Variants in TTN observed in about 807,000 individuals in gnomAD.
TTN encodes the protein titin.
TTN carries 1,525 observed loss-of-function variants against 3,223.0 expected under a neutral mutation model. The ratio of observed to expected loss-of-function variants is 0.47; its 90% CI spans 0.45 to 0.49. TTN has a LOEUF of 0.49. Among genes scored for constraint, TTN ranks in the 20% least tolerant of loss-of-function variants. The pLI, the probability that TTN is intolerant of heterozygous loss-of-function variation, is 0.00. For missense variants in TTN, 40,786 were observed against 43,424.0 expected (o/e 0.94, Z 5.40); for synonymous variants, 14,094 against 15,161.0 (o/e 0.93, Z 5.17).
In TTN at chr2:178,581,686, T is replaced by C. The variant is rs760003383; in HGVS notation, c.66582A>G (p.Glu22194=). Reference sequence around the variant, plus strand: ...AGTTATCGGAGTCAGCCCGTTTTACTTCAACGAGATAACCAATGATAGGGC... The same window carrying C: ...AGTTATCGGAGTCAGCCCGTTTTACCTCAACGAGATAACCAATGATAGGGC... The part of the protein sequence containing the change: ...GGSPIIGYLV[E]VKRADSDNWV... Residue 22194 remains glutamate, a synonymous_variant, in exon 316 of 363, where the codon GAA becomes GAG. Transcript: ENST00000589042. 9.9e-6 allele frequency: 16 copies of C among 1,612,382 alleles called. No individual in the cohort carries two copies. The African/African-American group carries it at 1.9e-4, about 19-fold the overall frequency.
At chr2:178,802,870 C>G (rs1391071950) in intron 2 of TTN, among the ~76,000 whole-genome samples, 1 of 152,192 alleles carries the variant, frequency 6.6e-6, no homozygotes, top group Non-Finnish European at 1.5e-5. Context: ...TCTGCTTTCA[C>G]AAGTGCAATC....
intron 2 of TTN, 28 bp from the exon 3 acceptor site, chr2:178,802,369 T>C (rs995787777): frequency 5.6e-6 from 9 of 1,602,188 alleles, no homozygotes; most frequent in African/African-American, 2.7e-5. Flanking sequence ...TTCACCTTTA[T>C]GTTTGAATGG....
At position 178,609,729 on chromosome 2, in the gene TTN, C is replaced by T. The variant is rs765280689; in HGVS notation, c.51694G>A (p.Glu17232Lys). Residue 17232 changes from glutamate (E) to lysine (K), a missense_variant, in exon 272 of 363, where the codon GAA (glutamate) becomes AAA (lysine). Physicochemically the swap from Glu to Lys is moderately conservative, Grantham distance 56 (BLOSUM62 1). Transcript: ENST00000589042. The stretch of plus-strand genomic sequence containing the variant: ...GTTGGAGGAGTAGCCCGAGAAGGTT[C>T]ACTAATACCCGCGGCGTTCTCTGCT... The part of the protein sequence containing the change: ...VRAENAAGIS[E>K]PSRATPPTKA... 6.2e-7 allele frequency: 1 copy of T among 1,610,054 alleles called. No homozygotes were observed. The highest frequency in any genetic ancestry group is 2.2e-5 in the East Asian group (1 of 44,720).
At position 178,603,955 on chromosome 2, in the gene TTN, G is replaced by C. The variant is rs1301615048; in HGVS notation, c.54732C>G (p.Phe18244Leu). Residue 18244 changes from phenylalanine (F) to leucine (L), a missense_variant, in exon 282 of 363, where the codon TTC (phenylalanine) becomes TTG (leucine). Phe to Leu is a conservative substitution (Grantham distance 22). Transcript: ENST00000589042. ...CTGCAGCATTTATTGCCATGGCTCTGAACTGGTATTTAACGCCTTCAAGCA... is the reference window on the plus strand; with the variant it reads ...CTGCAGCATTTATTGCCATGGCTCTCAACTGGTATTTAACGCCTTCAAGCA... ...PRLLEGVKYQ[F>L]RAMAINAAGI... 5 of 1,612,518 alleles carry C rather than the reference G, an allele frequency of 3.1e-6. No homozygotes were observed. The highest frequency in any genetic ancestry group is 4.2e-6 in the Non-Finnish European group (5 of 1,179,072).
chr2:178,598,719 T>TA lies in TTN; in HGVS notation c.56962+28dup, dbSNP rs3214578. On this transcript the variant is annotated intron_variant, in intron 291 of 362. Transcript: ENST00000589042. ...CAAGGCACTTTTGGAAAATAAGATT[T>TA]AAAAAAAAGGAATGGTTTCCAGGCT... is the stretch of plus-strand genomic sequence containing the variant. 0.029 allele frequency: 46,214 copies of TA among 1,602,026 alleles called. 753 individuals carry two copies. The highest frequency in any genetic ancestry group is 0.063 in the East Asian group (2,831 of 44,680).
At chr2:178,756,906 G>T in intron 45 of TTN, 109 bp from the exon 46 acceptor site, 1 of 985,918 alleles carries the variant, frequency 1.0e-6, no homozygotes, top group Non-Finnish European at 1.5e-6. Context: ...GAAAGACGTA[G>T]TTGTCACTTG....
rs879161666 is a variant in TTN, at chr2:178,567,919, A to G, written c.78213T>C (p.Val26071=). ...YEFRVYAENI[V]GVGKASKNSE... ...AATTCTTGCTTGCTTTGCCTACACC[A>G]ACAATATTTTCAGCATACACTCTGA... The change falls in exon 326 of 363, where the codon GTT becomes GTC. Residue 26071 remains valine (V), a synonymous_variant. Coordinates refer to ENST00000589042, the MANE Select transcript of TTN (RefSeq NM_001267550.2). The G allele has an allele frequency of 1.9e-6, 3 of 1,613,436 alleles. No homozygotes were observed. The highest frequency in any genetic ancestry group is 1.3e-5 in the African/African-American group (1 of 74,884).
chr2:178,724,759 T>C (rs2079049331), intron 71 of TTN: 1 of 415,036 alleles, frequency 2.4e-6, no homozygotes, highest in African/African-American at 2.1e-5. Context: ...TTTTTGTTTT[T>C]CCCACCACTC....
At chr2:178,672,309 G>A (rs1487635427) in intron 154 of TTN, 42 bp from the exon 155 acceptor site, 10 of 1,605,174 alleles carry the variant, frequency 6.2e-6, no homozygotes, top group Non-Finnish European at 8.5e-6. Flanking sequence ...TTTAAACACT[G>A]AAGAAATAAA....
At position 178,533,762 on chromosome 2, in the gene TTN, G is replaced by A; in HGVS notation, c.102853C>T (p.Pro34285Ser). ...TTATACCATGTTACATGAGGCTCTG[G>A]GTGGACAGTTATAGTTACTCCAAAC... ...VRFGVTITVH[P>S]EPHVTWYKSG... Residue 34285 changes from proline (P) to serine (S), a missense_variant, in exon 358 of 363, where the codon CCA (proline) becomes TCA (serine). By Grantham distance (74) the Pro-to-Ser change is moderately conservative (BLOSUM62 -1). Transcript: ENST00000589042. 3.1e-6 allele frequency: 5 copies of A among 1,613,834 alleles called. No individual in the cohort carries two copies. Among genetic ancestry groups the A allele is most frequent in the Non-Finnish European group, 4.2e-6 (5 of 1,179,836 alleles).
Position 178,531,846 on chromosome 2 carries a change from T to G in TTN, c.104769A>C (p.Thr34923=), listed in dbSNP as rs56375087. 8.2e-3 allele frequency: 13,241 copies of G among 1,613,842 alleles called. 204 individuals are homozygous for G. Among genetic ancestry groups the G allele is most frequent in the Non-Finnish European group, 6.9e-3 (8,119 of 1,179,796 alleles). ...TCAAAACTTCATACTTCCTTTCTGA[T>G]GTCTTCTGAGTTTTTAAAGCAGCTT... ...SMKAALKTQK[T]SERKYEVLSQ... is the part of the protein sequence containing the mutation. Residue 34923 remains threonine, a synonymous_variant, in exon 358 of 363, where the codon ACA becomes ACC. Transcript: ENST00000589042.
Position 178,581,907 on chromosome 2 carries a change from C to T in TTN, c.66462G>A (p.Gln22154=). The change falls in exon 315 of 363, where the codon CAG becomes CAA. Residue 22154 remains glutamine (Q), a splice_region_variant and synonymous_variant. Coordinates refer to ENST00000589042, the MANE Select transcript of TTN (RefSeq NM_001267550.2). ...ASKAAYARDP[Q]YPPGPPAFPK... is the part of the protein sequence containing the mutation. ...TGGAACTCGTTCATGAACACTTACA[C>T]TGAGGGTCCCGAGCATAAGCGGCCT... 3 of 1,612,984 alleles carry T rather than the reference C, an allele frequency of 1.9e-6. No individual in the cohort carries two copies. The highest frequency in any genetic ancestry group is 2.5e-6 in the Non-Finnish European group (3 of 1,179,398).
Position 178,552,950 on chromosome 2 carries a change from A to T in TTN, c.89950T>A (p.Ser29984Thr), listed in dbSNP as rs1306828364. Residue 29984 changes from serine (S) to threonine (T), a missense_variant, in exon 335 of 363, where the codon TCA becomes ACA. By Grantham distance (58) the Ser-to-Thr change is moderately conservative. Coordinates refer to ENST00000589042, the MANE Select transcript of TTN (RefSeq NM_001267550.2). ...DATKRTWSVVSHKCSSTSFKL... is the reference protein window; with the variant it reads ...DATKRTWSVVTHKCSSTSFKL... ...AAGGATGTGCTAGAACATTTGTGTG[A>T]CACGACAGACCATGTTCTCTTGGTG... 6.2e-7 allele frequency: 1 copy of T among 1,613,282 alleles called. No homozygotes were observed. Among genetic ancestry groups the T allele is most frequent in the African/African-American group, 1.3e-5 (1 of 74,898 alleles).
chr2:178,604,484 G>A (rs1283822965), intron 281 of TTN, among the ~76,000 whole-genome samples, 179 bp from the exon 282 acceptor site: 4 of 152,004 alleles, frequency 2.6e-5, no homozygotes, highest in Admixed American at 2.6e-4. Flanking sequence ...ATATGTAGAT[G>A]TATTGTACCT....
rs765575975 is a variant in TTN at position 178,586,543 on chromosome 2, C to G, written c.64358G>C (p.Arg21453Thr). 1.2e-6 allele frequency: 2 copies of G among 1,613,192 alleles called. No individual in the cohort carries two copies. Among genetic ancestry groups the G allele is most frequent in the Non-Finnish European group, 1.7e-6 (2 of 1,179,378 alleles). Residue 21453 changes from arginine to threonine, a missense_variant, in exon 308 of 363, where the codon AGA becomes ACA. Arg to Thr is a moderately conservative substitution (Grantham distance 71). Coordinates refer to ENST00000589042, the MANE Select transcript of TTN (RefSeq NM_001267550.2). The stretch of plus-strand genomic sequence containing the variant: ...GGCTTCATACACTCCTTCAGCTTCT[C>G]TTGGCAAACTGACTCCAACAGCATT... ...ARNAVGVSLP[R>T]EAEGVYEAKE...
intron 55 of TTN, 37 bp downstream of exon 55, chr2:178,732,797 T>A (rs1465446983): frequency 6.3e-7 from 1 of 1,574,954 alleles, no homozygotes. Context: ...TTGAACATAA[T>A]CTTTAATAAG....
At position 178,551,084 on chromosome 2, in the gene TTN, CTG is replaced by C. The variant is rs1699247877; in HGVS notation, c.91445_91446del (p.Thr30482SerfsTer11). 1.2e-6 allele frequency: 2 copies of C among 1,613,400 alleles called. No homozygotes were observed. Among genetic ancestry groups the C allele is most frequent in the Non-Finnish European group, 1.7e-6 (2 of 1,179,638 alleles). ...CGATCCCCAGGACTGAGTCCTGTAA[CTG>C]TGTACTGACATTCACTGACGTCAGT... The part of the protein sequence containing the change: ...NFTDVSECQY[T>X]VTGLSPGDRY... On this transcript the variant is annotated frameshift_variant, in exon 336 of 363. Transcript: ENST00000589042. LOFTEE classifies it high-confidence loss of function.
intron 21 of TTN, among the ~76,000 whole-genome samples, chr2:178,780,587 C>G (rs1316687417): frequency 6.6e-6 from 1 of 152,148 alleles, no homozygotes; most frequent in Non-Finnish European, 1.5e-5. Context: ...TCAAGTGAAA[C>G]AGAGTGTGAG....
At position 178,549,644 on chromosome 2, in the gene TTN, C is replaced by T. The variant is rs776331056; in HGVS notation, c.92078G>A (p.Arg30693His). 1.2e-5 allele frequency: 20 copies of T among 1,613,700 alleles called. No homozygotes were observed. The East Asian group carries it at 2.2e-4, about 18-fold the overall frequency. The change falls in exon 338 of 363, where the codon CGT becomes CAT. Residue 30693 changes from arginine to histidine, a missense_variant. By Grantham distance (29) the Arg-to-His change is conservative. Coordinates refer to ENST00000589042, the MANE Select transcript of TTN (RefSeq NM_001267550.2). ...KLINGNEYQF[R>H]VSAVNKFGVG... is the part of the protein sequence containing the mutation. ...ACCAAACTTGTTAACTGCAGAAACA[C>T]GGAATTGGTATTCATTGCCGTTTAT...
Sources: gnomAD v4.1 joint callset for allele counts (sites outside exome capture counted in the v4.1 genomes callset) on GRCh38, gnomAD v4.1.1 for gene constraint, MANE v1.5 for transcripts, NCBI Gene and HGNC (gene_info 2026-07-23, HGNC 2026-07-21) for gene names.